ABCA13: variants seen among roughly 807,000 people sequenced by gnomAD.
The protein encoded by ABCA13 is ATP-binding cassette sub-family A member 13.
In ABCA13, 476 loss-of-function variants were observed where a neutral mutation model predicts 478.7. The ratio of observed to expected loss-of-function variants is 0.99; its 90% CI spans 0.92 to 1.07. The LOEUF is 1.07. ABCA13 is among the 50% of genes least tolerant of loss of function. The pLI is 0.00. For missense variants in ABCA13, 6,060 were observed against 5,910.6 expected (o/e 1.03, Z -0.83); for synonymous variants, 2,252 against 2,158.9 (o/e 1.04, Z -1.20).
At chr7:48,526,459 G>C (rs1832897419) in intron 54 of ABCA13, among the ~76,000 whole-genome samples, 1 of 152,166 alleles carries the variant, frequency 6.6e-6, no homozygotes, top group Admixed American at 6.5e-5. Context: ...GATGGAGAGT[G>C]CTATGCAAAA....
At chr7:48,448,009 C>T (rs1279988812) in intron 42 of ABCA13, among the ~76,000 whole-genome samples, 1 of 152,086 alleles carries the variant, frequency 6.6e-6, no homozygotes, top group African/African-American at 2.4e-5. Context: ...TGCCAGATGC[C>T]ACCGTAAGGG....
At chr7:48,282,376 C>T (rs1797167127) in intron 19 of ABCA13, among the ~76,000 whole-genome samples, 1 of 152,208 alleles carries the variant, frequency 6.6e-6, no homozygotes, top group Non-Finnish European at 1.5e-5. Context: ...CTGGCCCAGT[C>T]TCCTGAGCAG....
In ABCA13 at chr7:48,278,490, C is replaced by T; in HGVS notation, c.7296C>T (p.His2432=). ...EMARLLDTIL[H]SPNKDFYALY... ...CAAGACTTCTGGATACAATTTTACA[C>T]TCTCCTAATAAGGACTTCTATGCTT... The change falls in exon 18 of 62, where the codon CAC becomes CAT. Residue 2432 remains histidine (H), a synonymous_variant. Coordinates refer to ENST00000435803, the MANE Select transcript of ABCA13 (RefSeq NM_152701.5). 1.2e-6 allele frequency: 2 copies of T among 1,613,982 alleles called. No individual in the cohort carries two copies. The highest frequency in any genetic ancestry group is 1.3e-5 in the African/African-American group (1 of 75,060).
intron 7 of ABCA13, among the ~76,000 whole-genome samples, chr7:48,231,528 T>C (rs1297507486): frequency 6.6e-6 from 1 of 152,086 alleles, no homozygotes; most frequent in Non-Finnish European, 1.5e-5. Flanking sequence ...TAGAATTAGA[T>C]CTGCATTATA....
chr7:48,204,402 G>C (rs546110622), intron 3 of ABCA13, among the ~76,000 whole-genome samples: 1 of 151,814 alleles, frequency 6.6e-6, no homozygotes, highest in East Asian at 1.9e-4. Context: ...GTAAAGAGGG[G>C]GTTTCACCAT....
At chr7:48,255,805 C>T (rs1009263115) in intron 15 of ABCA13, among the ~76,000 whole-genome samples, 4 of 152,066 alleles carry the variant, frequency 2.6e-5, no homozygotes, top group African/African-American at 9.7e-5. Context: ...CAATGATATA[C>T]ATTCCTTTGG....
At chr7:48,548,708 T>C (rs543376937) in intron 55 of ABCA13, among the ~76,000 whole-genome samples, 1 of 151,908 alleles carries the variant, frequency 6.6e-6, no homozygotes, top group East Asian at 1.9e-4. Flanking sequence ...AAGTCCTCAC[T>C]GGGAGACCTT....
At chr7:48,335,623 C>A in intron 28 of ABCA13, 88 bp downstream of exon 28, 1 of 963,572 alleles carries the variant, frequency 1.0e-6, no homozygotes, top group Non-Finnish European at 1.6e-6. Context: ...GAAGATTCTA[C>A]AGAGTCACAT....
intron 7 of ABCA13, among the ~76,000 whole-genome samples, chr7:48,232,332 C>A (rs1789272192): frequency 6.6e-6 from 1 of 151,786 alleles, no homozygotes; most frequent in South Asian, 2.1e-4. Context: ...TTAACAGACT[C>A]ATTTAGAAGC....
intron 4 of ABCA13, among the ~76,000 whole-genome samples, chr7:48,219,756 C>G (rs1171119198): frequency 6.6e-6 from 1 of 152,096 alleles, no homozygotes; most frequent in Non-Finnish European, 1.5e-5. Flanking sequence ...AGGGCTGCAG[C>G]CCATCCTGAC....
chr7:48,411,873 C>G (rs1819301054), intron 40 of ABCA13, among the ~76,000 whole-genome samples: 1 of 152,210 alleles, frequency 6.6e-6, no homozygotes, highest in Non-Finnish European at 1.5e-5. Flanking sequence ...TCCCTCACCT[C>G]TGAGCCAAGG....
chr7:48,221,725 A>G (rs1339502341), intron 5 of ABCA13, among the ~76,000 whole-genome samples: 2 of 152,238 alleles, frequency 1.3e-5, no homozygotes, highest in African/African-American at 4.8e-5. Flanking sequence ...ATATTTGTCA[A>G]TGTCTGGACA....
intron 43 of ABCA13, among the ~76,000 whole-genome samples, chr7:48,461,521 A>G (rs1563295899): frequency 6.6e-6 from 1 of 152,174 alleles, no homozygotes; most frequent in Admixed American, 6.6e-5. Context: ...AATTATGTAT[A>G]CATTGTATGG....
intron 1 of ABCA13, 51 bp from the exon 2 acceptor site, chr7:48,192,908 T>C: frequency 7.4e-7 from 1 of 1,356,326 alleles, no homozygotes; most frequent in Non-Finnish European, 1.0e-6. Flanking sequence ...GAAAATATTG[T>C]AATACCTTAC....
At chr7:48,332,522 C>T (rs1805574394) in intron 27 of ABCA13, among the ~76,000 whole-genome samples, 2 of 152,168 alleles carry the variant, frequency 1.3e-5, no homozygotes, top group Admixed American at 6.5e-5. Flanking sequence ...ATGTTTTAAT[C>T]ATCAAATACA....
chr7:48,285,493 G>A (rs1463793990), intron 19 of ABCA13, among the ~76,000 whole-genome samples: 3 of 152,320 alleles, frequency 2.0e-5, no homozygotes, highest in Non-Finnish European at 1.5e-5. Flanking sequence ...GCTTCAAGAC[G>A]TGTTAGATGT....
At chr7:48,352,624 G>C in intron 31 of ABCA13, 137 bp downstream of exon 31, 1 of 997,988 alleles carries the variant, frequency 1.0e-6, no homozygotes, top group Non-Finnish European at 1.4e-6. Context: ...TTTTAATTTC[G>C]TAAGGTTCAT....
chr7:48,413,331 C>T (rs186930455), intron 41 of ABCA13, among the ~76,000 whole-genome samples: 1 of 152,144 alleles, frequency 6.6e-6, no homozygotes, highest in Non-Finnish European at 1.5e-5. Context: ...GAGCTCCCAT[C>T]CCCCAGGTCC....
chr7:48,576,592 T>C lies in ABCA13; in HGVS notation c.14355-3632T>C, dbSNP rs770660331. On this transcript the variant is annotated intron_variant, in intron 55 of 61. Coordinates refer to ENST00000435803, the MANE Select transcript of ABCA13 (RefSeq NM_152701.5). ...CAGGCTCTAGAAGACTGAGACATGA[T>C]TGTGGGAATATAGAACTCTTCCCCT... 2.7e-4 allele frequency among the ~76,000 whole-genome samples: 41 copies of C among 152,150 alleles called. No homozygotes were observed. In the Middle Eastern group the frequency reaches 0.01, roughly 38 times the overall value.
Sources: allele counts gnomAD v4.1 joint callset (sites outside exome capture counted in the v4.1 genomes callset), GRCh38; gene constraint gnomAD v4.1.1; transcripts MANE v1.5; gene names NCBI Gene and HGNC (gene_info 2026-07-23, HGNC 2026-07-21).